The following SLC9A1 variants were observed in gnomAD, a reference collection of about 807,000 sequenced individuals.
SLC9A1 encodes solute carrier family 9 member A1, also known as sodium/hydrogen exchanger 1.
A neutral mutation model predicts 67.9 loss-of-function variants in SLC9A1; 22 were observed. The ratio of observed to expected loss-of-function variants is 0.32; its 90% confidence interval spans 0.23 to 0.46. SLC9A1 has a LOEUF of 0.46. Among genes scored for constraint, SLC9A1 ranks in the 20% least tolerant of loss-of-function variants. The pLI is 1.00. For synonymous variants in SLC9A1, 421 were observed against 471.8 expected, an observed-to-expected ratio of 0.89 and a Z score of 1.40; for missense variants, 686 against 1,094.8, an observed-to-expected ratio of 0.63 and a Z score of 5.27.
Position 27,102,411 on chromosome 1 carries a change from G to A in SLC9A1, c.1794C>T (p.Pro598=), listed in dbSNP as rs2083153539. ...LVESGGMGKI[P]SAVSTVSMQN... The stretch of plus-strand genomic sequence containing the variant: ...GCATGGAGACGGTGGAGACGGCAGA[G>A]GGGATCTTGCCCATGCCCCCGCTCT... Residue 598 remains proline (P), a synonymous_variant, in exon 8 of 12, where the codon CCC becomes CCT. Coordinates refer to ENST00000263980, the MANE Select transcript of SLC9A1 (RefSeq NM_003047.5). The A allele has an allele frequency of 1.2e-6, 2 of 1,601,168 alleles. No individual in the cohort carries two copies. The highest frequency in any genetic ancestry group is 1.7e-6 in the Non-Finnish European group (2 of 1,170,500).
Position 27,113,847 on chromosome 1 carries a change from C to T in SLC9A1, c.792G>A (p.Leu264=), listed in dbSNP as rs185477672. ...TCACCACAGTGACGGCGTCATTGAG[C>T]AAGGACTCCCCAAAAACAAGGATGT... ...LLHILVFGES[L]LNDAVTVVLY... Residue 264 remains leucine, a synonymous_variant, in exon 2 of 12, where the codon TTG becomes TTA. Coordinates refer to ENST00000263980, the MANE Select transcript of SLC9A1 (RefSeq NM_003047.5). The T allele has an allele frequency of 2.9e-5, 47 of 1,613,414 alleles. No individual in the cohort carries two copies. The African/African-American group carries it at 6.1e-4, about 21-fold the overall frequency.
chr1:27,135,427 C>T (rs906342732), intron 1 of SLC9A1, among the ~76,000 whole-genome samples: 7 of 151,368 alleles, frequency 4.6e-5, no homozygotes, highest in Non-Finnish European at 1.0e-4. Flanking sequence ...AGTGCTCGGC[C>T]CGAGAAGCAA....
intron 1 of SLC9A1, among the ~76,000 whole-genome samples, chr1:27,125,238 T>TTTC: frequency 3.7e-4 from 1 of 2,706 alleles, no homozygotes; most frequent in Non-Finnish European, 8.6e-4. Context: ...CTTTTCTTTC[T>TTTC]TTTTTTTTTT....
intron 1 of SLC9A1, among the ~76,000 whole-genome samples, chr1:27,145,482 T>G (rs1356010556): frequency 3.9e-5 from 6 of 152,252 alleles, no homozygotes; most frequent in Non-Finnish European, 8.8e-5. Context: ...CCAGCTTCAC[T>G]TGGCATACAG....
intron 1 of SLC9A1, among the ~76,000 whole-genome samples, chr1:27,120,484 T>C (rs984294160): frequency 6.6e-6 from 1 of 151,040 alleles, no homozygotes; most frequent in African/African-American, 2.4e-5. Context: ...ACGTCTGTAA[T>C]CCCATCACTT....
chr1:27,111,486 T>C (rs2083227475), intron 2 of SLC9A1, among the ~76,000 whole-genome samples: 1 of 150,400 alleles, frequency 6.6e-6, no homozygotes, highest in Non-Finnish European at 1.5e-5. Flanking sequence ...CTCATGGAGT[T>C]ACTGTATAGA....
intron 1 of SLC9A1, among the ~76,000 whole-genome samples, chr1:27,131,016 T>G (rs1227188265): frequency 6.6e-6 from 1 of 152,216 alleles, no homozygotes; most frequent in Admixed American, 6.5e-5. Context: ...CCTTTGTCAG[T>G]GCCCACTTCC....
Position 27,154,507 on chromosome 1 carries a change from GT to G in SLC9A1, c.-174del, listed in dbSNP as rs2083553247. ...TTTTCTGGGGGTGGAGGGAGGCTGG[GT>G]TTGCAATCTGGAACTCCAAAGTGGG... On this transcript the variant is annotated 5_prime_UTR_variant, in exon 1 of 12. Transcript: ENST00000263980. 3.8e-6 allele frequency: 2 copies of G among 525,328 alleles called. No homozygotes were observed. The highest frequency in any genetic ancestry group is 6.7e-6 in the Non-Finnish European group (2 of 300,054). The allele number at this position is 525,328 out of a possible 1,614,324, so 32.5% of individuals were successfully genotyped here.
At position 27,100,315 on chromosome 1, in the gene SLC9A1, C is replaced by T. The variant is rs753441418; in HGVS notation, c.2440G>A (p.Gly814Arg). Residue 814 changes from glycine to arginine, a missense_variant, in exon 12 of 12, where the codon GGG becomes AGG. This residue lies in a region of SLC9A1 where 226 missense variants were observed against 282.4 expected (regional missense o/e 0.80). Transcript: ENST00000263980. This position sits in a 1 kb window ranked among gnomAD's most constrained non-coding sequence, Gnocchi z 5.6. ...PGEGEPFFPKGQ is the reference protein window; with the variant it reads ...PGEGEPFFPKRQ ...GCCTGCTGGCCCTGGTGTTACTGCCCCTTGGGGAAGAACGGTTCTCCCTCC... is the reference window on the plus strand; with the variant it reads ...GCCTGCTGGCCCTGGTGTTACTGCCTCTTGGGGAAGAACGGTTCTCCCTCC... 2 of 1,528,592 alleles carry T rather than the reference C, an allele frequency of 1.3e-6. No homozygotes were observed. The highest frequency in any genetic ancestry group is 1.8e-6 in the Non-Finnish European group (2 of 1,138,402). The allele number at this position is 1,528,592 out of a possible 1,614,324, so 94.7% of individuals were successfully genotyped here.
At chr1:27,120,188 C>T (rs975273555) in intron 1 of SLC9A1, among the ~76,000 whole-genome samples, 4 of 151,868 alleles carry the variant, frequency 2.6e-5, no homozygotes, top group Admixed American at 1.3e-4. Context: ...TACAGTGGCG[C>T]GATTTCGGCT....
chr1:27,124,900 C>T (rs2083330833), intron 1 of SLC9A1, among the ~76,000 whole-genome samples: 1 of 152,102 alleles, frequency 6.6e-6, no homozygotes, highest in Admixed American at 6.6e-5. Flanking sequence ...CATGAGCATC[C>T]TTAGGCTGGT....
chr1:27,124,994 G>A (rs142434844), intron 1 of SLC9A1, among the ~76,000 whole-genome samples: 16 of 152,008 alleles, frequency 1.1e-4, no homozygotes, highest in Admixed American at 5.9e-4. Flanking sequence ...TTATTTTCTC[G>A]TCCCCAAACC....
chr1:27,099,124 C>G lies in SLC9A1; in HGVS notation c.*1183G>C, dbSNP rs2083119488. 6.5e-6 allele frequency: 1 copy of G among 152,748 alleles called. No individual in the cohort carries two copies. The highest frequency in any genetic ancestry group is 2.4e-5 in the African/African-American group (1 of 41,460). The allele number at this position is 152,748 out of a possible 1,614,324, so 9.5% of individuals were successfully genotyped here. A position where few individuals can be genotyped will look rare whatever the true frequency, so the allele number is the denominator to read the frequency against. On this transcript the variant is annotated 3_prime_UTR_variant, in exon 12 of 12. Transcript: ENST00000263980. ...CCAGGATTCTGCCCAATCCACCAGCCCCAGGGGACAGGGGATCCTCAGGGG... is the reference window on the plus strand; with the variant it reads ...CCAGGATTCTGCCCAATCCACCAGCGCCAGGGGACAGGGGATCCTCAGGGG...
intron 3 of SLC9A1, among the ~76,000 whole-genome samples, chr1:27,108,511 C>T (rs1347857823): frequency 6.6e-6 from 1 of 152,090 alleles, no homozygotes; most frequent in Non-Finnish European, 1.5e-5. Context: ...AATGCAGTCT[C>T]TTCTAAAAAT....
chr1:27,151,199 T>G (rs1384066001), intron 1 of SLC9A1, among the ~76,000 whole-genome samples: 1 of 152,198 alleles, frequency 6.6e-6, no homozygotes, highest in Non-Finnish European at 1.5e-5. Context: ...TGTAGGAGGC[T>G]GAGGTAGGGA....
chr1:27,144,934 TGCAGCTACTCTGGA>T (rs1390384565), intron 1 of SLC9A1, among the ~76,000 whole-genome samples: 1 of 151,914 alleles, frequency 6.6e-6, no homozygotes, highest in Non-Finnish European at 1.5e-5. Context: ...TGCTTGAACC[TGCAGCTACTCTGGA>T]GGCTGAGGCA....
intron 1 of SLC9A1, among the ~76,000 whole-genome samples, chr1:27,150,188 C>A (rs976244469): frequency 1.3e-5 from 2 of 152,150 alleles, no homozygotes; most frequent in Non-Finnish European, 1.5e-5. Flanking sequence ...GGTCTGATAT[C>A]CATGCATGTG....
chr1:27,108,405 C>T (rs1359679569), intron 3 of SLC9A1, among the ~76,000 whole-genome samples: 2 of 132,220 alleles, frequency 1.5e-5, no homozygotes, highest in Non-Finnish European at 3.2e-5. Flanking sequence ...TGGCTGGGCA[C>T]GGTGGCTCAC....
rs945181051 is a variant in SLC9A1 at position 27,099,158 on chromosome 1, TC to T, written c.*1148del. 3 of 152,258 alleles carry T rather than the reference TC, an allele frequency of 2.0e-5. No homozygotes were observed. Among genetic ancestry groups the T allele is most frequent in the Non-Finnish European group, 4.4e-5 (3 of 68,176 alleles). 9.4% of individuals were successfully genotyped at this position (152,258 alleles called of 1,614,324 possible). The stretch of plus-strand genomic sequence containing the variant: ...CAGGGGATCCTCAGGGGAGGCCTTC[TC>T]CCCCCCACCGCCTCCACAATGGGCT... On this transcript the variant is annotated 3_prime_UTR_variant, in exon 12 of 12. Coordinates refer to ENST00000263980, the MANE Select transcript of SLC9A1 (RefSeq NM_003047.5).
Sources: gnomAD v4.1 joint callset for allele counts (sites outside exome capture counted in the v4.1 genomes callset) on GRCh38, gnomAD v4.1.1 for gene constraint, gnomAD v4.1.1 regional missense constraint, Gnocchi (gnomAD v3.1) non-coding constraint, MANE v1.5 for transcripts, NCBI Gene and HGNC (gene_info 2026-07-23, HGNC 2026-07-21) for gene names.